MTHFD2L: variants seen among roughly 807,000 people sequenced by gnomAD.
The protein encoded by MTHFD2L is bifunctional methylenetetrahydrofolate dehydrogenase/cyclohydrolase 2, mitochondrial.
Under a neutral mutation model 34.9 loss-of-function variants are expected in MTHFD2L, and 29 were observed. The observed-to-expected ratio is 0.83, with a 90% CI of 0.62 to 1.13. The LOEUF is 1.13. Ranked by LOEUF, MTHFD2L falls within the 50% of genes most tolerant of loss-of-function variation. MTHFD2L has a pLI of 0.00. For missense variants in MTHFD2L, 481 were observed against 446.5 expected (o/e 1.08, Z -0.70); for synonymous variants, 167 against 155.7 (o/e 1.07, Z -0.54).
At chr4:74,185,030 T>G (rs1730893164) in intron 3 of MTHFD2L, among the ~76,000 whole-genome samples, 1 of 151,720 alleles carries the variant, frequency 6.6e-6, no homozygotes, top group Non-Finnish European at 1.5e-5. Flanking sequence ...CAGATGCCTG[T>G]AGGCCCAGCT....
At chr4:74,160,074 T>G (rs1164759166) in intron 1 of MTHFD2L, 1 of 1,289,252 alleles carries the variant, frequency 7.8e-7, no homozygotes, top group Non-Finnish European at 1.0e-6. Flanking sequence ...AGAGAAGAGA[T>G]TCCATCTTCC....
Position 74,158,210 on chromosome 4 carries a change from C to T in MTHFD2L, c.72C>T (p.Ser24=), listed in dbSNP as rs1346623555. Residue 24 remains serine, a synonymous_variant, in exon 1 of 8, where the codon AGC becomes AGT. Coordinates refer to ENST00000325278, the MANE Select transcript of MTHFD2L (RefSeq NM_001144978.3). ...RLGRAPALGR[S]TAPSVRAPGE... is the part of the protein sequence containing the mutation. ...GCCGAGCGCCGGCGTTGGGCAGAAG[C>T]ACAGCACCCTCCGTAAGGGCACCGG... 5 of 1,519,290 alleles carry T rather than the reference C, an allele frequency of 3.3e-6. No individual in the cohort carries two copies. In the African/African-American group the frequency reaches 6.9e-5, roughly 21 times the overall value. 94.1% of individuals were successfully genotyped at this position (1,519,290 alleles called of 1,614,324 possible). A position where few individuals can be genotyped will look rare whatever the true frequency, so the allele number is the denominator to read the frequency against.
At chr4:74,205,476 T>C (rs1415647727) in intron 5 of MTHFD2L, among the ~76,000 whole-genome samples, 1 of 152,236 alleles carries the variant, frequency 6.6e-6, no homozygotes, top group Non-Finnish European at 1.5e-5. Flanking sequence ...AAGATAATTG[T>C]ACTAGAAGAA....
intron 1 of MTHFD2L, among the ~76,000 whole-genome samples, chr4:74,129,248 T>C (rs1040185975): frequency 6.6e-6 from 1 of 152,080 alleles, no homozygotes; most frequent in Non-Finnish European, 1.5e-5. Context: ...GCAGACCTAA[T>C]AGACATCCAC....
chr4:74,219,868 G>T (rs1324592066), intron 5 of MTHFD2L, among the ~76,000 whole-genome samples: 1 of 152,076 alleles, frequency 6.6e-6, no homozygotes, highest in African/African-American at 2.4e-5. Context: ...ACTGACTGAG[G>T]AATATCAAGT....
upstream of MTHFD2L, among the ~76,000 whole-genome samples, chr4:74,122,873 G>A (rs1721831108): frequency 6.6e-6 from 1 of 152,084 alleles, no homozygotes; most frequent in South Asian, 2.1e-4. Flanking sequence ...TTTGATAGTT[G>A]TATTCTGCTT....
chr4:74,171,735 G>A (rs931770404), intron 1 of MTHFD2L, among the ~76,000 whole-genome samples: 10 of 152,064 alleles, frequency 6.6e-5, no homozygotes, highest in Admixed American at 2.6e-4. Flanking sequence ...CCCAGGAGGC[G>A]GAGGTTGTAG....
intron 3 of MTHFD2L, among the ~76,000 whole-genome samples, chr4:74,182,396 G>A (rs181040227): frequency 3.9e-5 from 6 of 152,094 alleles, no homozygotes; most frequent in East Asian, 1.9e-4. Flanking sequence ...TCTTGTGCCC[G>A]CACCCATGAA....
Position 74,130,378 on chromosome 4 carries a change from G to T in MTHFD2L, c.-297+4861G>T, listed in dbSNP as rs372007925. 2.9e-4 allele frequency among the ~76,000 whole-genome samples: 44 copies of T among 152,220 alleles called. No individual in the cohort carries two copies. In the East Asian group the frequency reaches 7.9e-3, roughly 27 times the overall value. On this transcript the variant is annotated intron_variant, in intron 1 of 7. Transcript: ENST00000433372. Reference sequence around the variant, plus strand: ...ACCTAATCCAGCAGCACATGAAAAAGCTTATCCACCATGATCATGTCCGCT... The same window carrying T: ...ACCTAATCCAGCAGCACATGAAAAATCTTATCCACCATGATCATGTCCGCT...
At chr4:74,148,790 A>G (rs1173456633) in intron 1 of MTHFD2L, among the ~76,000 whole-genome samples, 1 of 151,810 alleles carries the variant, frequency 6.6e-6, no homozygotes, top group Non-Finnish European at 1.5e-5. Context: ...TCACAGCCAC[A>G]TTTTTATTTT....
upstream of MTHFD2L, among the ~76,000 whole-genome samples, chr4:74,122,492 C>T (rs147315889): frequency 2.0e-5 from 3 of 152,182 alleles, no homozygotes; most frequent in Non-Finnish European, 4.4e-5. Context: ...CCTCCCCCAA[C>T]ACTGGGAATT....
At chr4:74,178,450 G>A (rs1432039219) in intron 3 of MTHFD2L, among the ~76,000 whole-genome samples, 1 of 151,932 alleles carries the variant, frequency 6.6e-6, no homozygotes, top group Non-Finnish European at 1.5e-5. Context: ...TACCCCTTTT[G>A]AGCAACATTC....
chr4:74,239,668 A>G (rs1224792215), intron 6 of MTHFD2L, among the ~76,000 whole-genome samples: 1 of 152,184 alleles, frequency 6.6e-6, no homozygotes, highest in Non-Finnish European at 1.5e-5. Flanking sequence ...ACAAATTCAA[A>G]TAACTCATAG....
intron 3 of MTHFD2L, among the ~76,000 whole-genome samples, chr4:74,177,414 A>T (rs546897535): frequency 2.6e-5 from 4 of 152,028 alleles, no homozygotes; most frequent in Non-Finnish European, 5.9e-5. Context: ...ACATGTCACA[A>T]CATTAATTCT....
At chr4:74,269,383 G>C (rs1016801436) in intron 6 of MTHFD2L, among the ~76,000 whole-genome samples, 56 of 151,954 alleles carry the variant, frequency 3.7e-4, no homozygotes, top group Admixed American at 2.0e-3. Flanking sequence ...AATTTCATAT[G>C]CTACTGAATG....
intron 2 of MTHFD2L, among the ~76,000 whole-genome samples, chr4:74,114,860 T>C (rs1377451625): frequency 6.6e-6 from 1 of 152,330 alleles, no homozygotes; most frequent in East Asian, 1.9e-4. Context: ...TGGCTTTTTC[T>C]ATGGATTAAT....
At chr4:74,180,813 A>G (rs1224010506) in intron 3 of MTHFD2L, 1 of 328,410 alleles carries the variant, frequency 3.0e-6, no homozygotes, top group East Asian at 8.8e-5. Context: ...ATGCTTTCCT[A>G]CTCCTGTCCT....
intron 1 of MTHFD2L, among the ~76,000 whole-genome samples, chr4:74,141,948 A>T (rs1413901301): frequency 1.3e-5 from 2 of 152,234 alleles, no homozygotes; most frequent in Non-Finnish European, 2.9e-5. Flanking sequence ...ATTATGAAAA[A>T]AAATCAACTT....
At chr4:74,192,640 A>T (rs1732757809) in intron 3 of MTHFD2L, among the ~76,000 whole-genome samples, 1 of 152,124 alleles carries the variant, frequency 6.6e-6, no homozygotes, top group Non-Finnish European at 1.5e-5. Context: ...GCCCCTTCCC[A>T]GACAGTCGCT....
Sources: allele counts gnomAD v4.1 joint callset (sites outside exome capture counted in the v4.1 genomes callset), GRCh38; gene constraint gnomAD v4.1.1; transcripts MANE v1.5; gene names NCBI Gene and HGNC (gene_info 2026-07-23, HGNC 2026-07-21).